The following VPS13A variants were observed in gnomAD, a reference collection of about 807,000 sequenced individuals.
VPS13A encodes the protein vacuolar protein sorting 13 homolog A, also known as intermembrane lipid transfer protein VPS13A.
Under a neutral mutation model 390.9 loss-of-function variants are expected in VPS13A, and 264 were observed. The observed-to-expected ratio is 0.68, with a 90% CI of 0.61 to 0.75. VPS13A has a LOEUF of 0.75. Ranked by LOEUF, VPS13A falls within the 30% of genes least tolerant of loss-of-function variation. VPS13A has a pLI of 0.00. For missense variants in VPS13A, 3,409 were observed against 3,733.9 expected, an observed-to-expected ratio of 0.91 and a Z score of 2.27; for synonymous variants, 1,231 against 1,227.1, an observed-to-expected ratio of 1.00 and a Z score of -0.07.
chr9:77,359,289 T>G, intron 57 of VPS13A, 44 bp from the exon 58 acceptor site: 7 of 1,536,064 alleles, frequency 4.6e-6, no homozygotes, highest in Non-Finnish European at 5.4e-6. Context: ...GCCTAGCTTT[T>G]GCTTAAAGCA....
At chr9:77,292,970 T>G (rs1400175926) in intron 31 of VPS13A, among the ~76,000 whole-genome samples, 2 of 152,160 alleles carry the variant, frequency 1.3e-5, no homozygotes, top group Admixed American at 6.5e-5. Flanking sequence ...ATATACAGTG[T>G]TTTTCAAATT....
intron 45 of VPS13A, among the ~76,000 whole-genome samples, chr9:77,324,485 T>C (rs1829903837): frequency 6.6e-6 from 1 of 152,218 alleles, no homozygotes; most frequent in Admixed American, 6.5e-5. Context: ...AGATGCTTTT[T>C]CTGTACAAGA....
Position 77,378,883 on chromosome 9 carries a change from A to G in VPS13A, c.9078-3093A>G, listed in dbSNP as rs552694868. ...CATCTTATAAGTTTTGGTGTGTTGTATTTTTGCTTTTATTTGTTTCAAAGT... is the reference window on the plus strand; with the variant it reads ...CATCTTATAAGTTTTGGTGTGTTGTGTTTTTGCTTTTATTTGTTTCAAAGT... On this transcript the variant is annotated intron_variant, in intron 67 of 71. Transcript: ENST00000360280. Among the ~76,000 whole-genome samples, 34 of 150,962 alleles carry G rather than the reference A, an allele frequency of 2.3e-4. No homozygotes were observed. In the East Asian group the frequency reaches 3.9e-3, roughly 17 times the overall value.
Position 77,219,936 on chromosome 9 carries a change from A to C in VPS13A, c.755-18A>C. On this transcript the variant is annotated intron_variant, in intron 10 of 71. Transcript: ENST00000360280. The stretch of plus-strand genomic sequence containing the variant: ...GGAAATATAACTCAGTTTTTTTTCC[A>C]TTTTTATTATTTTTCAGTATTTCGT... 6.2e-7 allele frequency: 1 copy of C among 1,612,098 alleles called. No individual in the cohort carries two copies. The highest frequency in any genetic ancestry group is 8.5e-7 in the Non-Finnish European group (1 of 1,178,846).
At position 77,416,157 on chromosome 9, in the gene VPS13A, C is replaced by G. The variant is rs1835163402; in HGVS notation, c.*151C>G. 5.7e-5 allele frequency: 51 copies of G among 891,636 alleles called. No individual in the cohort carries two copies. Among genetic ancestry groups the G allele is most frequent in the Non-Finnish European group, 8.8e-5 (50 of 569,962 alleles). The allele number at this position is 891,636 out of a possible 1,614,324, so 55.2% of individuals were successfully genotyped here. On this transcript the variant is annotated 3_prime_UTR_variant, in exon 72 of 72. Transcript: ENST00000360280. ...ACAAAAACAAACAAAAAAACAAAAA[C>G]AAAAAAACAAAACCAGAATCAGGTA...
chr9:77,240,643 A>G (rs1824434899), intron 19 of VPS13A, among the ~76,000 whole-genome samples: 1 of 148,770 alleles, frequency 6.7e-6, no homozygotes, highest in Non-Finnish European at 1.5e-5. Flanking sequence ...ACACCCAGCT[A>G]ATTTTTGTAT....
chr9:77,237,435 G>T (rs1161635226), intron 17 of VPS13A, among the ~76,000 whole-genome samples: 1 of 151,386 alleles, frequency 6.6e-6, no homozygotes, highest in Non-Finnish European at 1.5e-5. Flanking sequence ...CATGATCTCG[G>T]CTCACTGCAA....
intron 6 of VPS13A, among the ~76,000 whole-genome samples, chr9:77,209,820 A>G (rs1031281509): frequency 5.3e-5 from 8 of 152,184 alleles, no homozygotes; most frequent in Non-Finnish European, 8.8e-5. Flanking sequence ...AAAGTATGCT[A>G]TATTTACCTC....
At chr9:77,386,335 A>G (rs1330212854) in intron 68 of VPS13A, among the ~76,000 whole-genome samples, 1 of 152,310 alleles carries the variant, frequency 6.6e-6, no homozygotes, top group Middle Eastern at 3.4e-3. Context: ...GGCTTCTTAC[A>G]TTCCAACTTT....
At position 77,250,177 on chromosome 9, in the gene VPS13A, T is replaced by G; in HGVS notation, c.2118T>G (p.Tyr706Ter). The stretch of plus-strand genomic sequence containing the variant: ...TTAAAGAGATAATGGATAGAGCTTA[T>G]GATTCATTTGATATTCAACTTACAA... ...ANLKEIMDRA[Y>*]DSFDIQLTSV... Residue 706 changes from tyrosine to a stop codon, truncating the protein, a stop_gained, in exon 21 of 72, where the codon TAT (tyrosine) becomes TAG (stop). Coordinates refer to ENST00000360280, the MANE Select transcript of VPS13A (RefSeq NM_033305.3). LOFTEE classifies it high-confidence loss of function. 1 of 1,613,884 alleles carries G rather than the reference T, an allele frequency of 6.2e-7. No individual in the cohort carries two copies. The highest frequency in any genetic ancestry group is 1.1e-5 in the South Asian group (1 of 91,078).
Position 77,316,482 on chromosome 9 carries a change from C to A in VPS13A, c.4863+76C>A, listed in dbSNP as rs1370483778. The A allele has an allele frequency of 2.4e-6, 3 of 1,242,716 alleles. No homozygotes were observed. The African/African-American group carries it at 4.5e-5, about 19-fold the overall frequency. The allele number at this position is 1,242,716 out of a possible 1,614,324, so 77.0% of individuals were successfully genotyped here. On this transcript the variant is annotated intron_variant, in intron 39 of 71. Transcript: ENST00000360280. ...TGTATACCATTTTAGGAAACAAAAA[C>A]TACCTACATGCTTTCCAACCTTGCT...
intron 52 of VPS13A, among the ~76,000 whole-genome samples, chr9:77,349,707 G>T (rs1331238313): frequency 6.6e-6 from 1 of 151,978 alleles, no homozygotes; most frequent in Non-Finnish European, 1.5e-5. Flanking sequence ...GCAGAGGCGC[G>T]ATCTCAGCTC....
At chr9:77,182,434 C>G (rs1160457162) in intron 1 of VPS13A, among the ~76,000 whole-genome samples, 5 of 151,926 alleles carry the variant, frequency 3.3e-5, no homozygotes, top group Admixed American at 1.3e-4. Flanking sequence ...GCATCAGAAT[C>G]AGCCATAGGT....
At chr9:77,351,259 T>C in intron 52 of VPS13A, 58 bp from the exon 53 acceptor site, 1 of 1,599,034 alleles carries the variant, frequency 6.3e-7, no homozygotes, top group Non-Finnish European at 8.5e-7. Flanking sequence ...TTTAGTTTTT[T>C]TTTAATCTCT....
At chr9:77,365,605 A>AAGT (rs1176148440) in intron 60 of VPS13A, 32 bp downstream of exon 60, 1 of 1,338,306 alleles carries the variant, frequency 7.5e-7, no homozygotes, top group East Asian at 2.3e-5. Flanking sequence ...TGTCCTTGAT[A>AAGT]ATCTAGGTAA....
intron 70 of VPS13A, 98 bp from the exon 71 acceptor site, chr9:77,407,435 G>T (rs1834676204): frequency 1.1e-6 from 1 of 944,608 alleles, no homozygotes; most frequent in Non-Finnish European, 1.7e-6. Context: ...GTATAAGAGG[G>T]ACACTTTAGG....
At chr9:77,198,883 G>C (rs1014079730) in intron 1 of VPS13A, among the ~76,000 whole-genome samples, 30 of 152,194 alleles carry the variant, frequency 2.0e-4, no homozygotes, top group African/African-American at 7.2e-4. Context: ...GGCTGGTCTC[G>C]AACTGCTGAC....
chr9:77,340,394 T>C lies in VPS13A; in HGVS notation c.6880-10T>C. ...TAACAGTTTTTGAGCTGTTAATTTT[T>C]TTTTCTTAGGTTGGTGTCACTATAG... On this transcript the variant is annotated splice_polypyrimidine_tract_variant and intron_variant, in intron 49 of 71. Coordinates refer to ENST00000360280, the MANE Select transcript of VPS13A (RefSeq NM_033305.3). 6.2e-7 allele frequency: 1 copy of C among 1,613,110 alleles called. No homozygotes were observed. The highest frequency in any genetic ancestry group is 1.1e-5 in the South Asian group (1 of 90,978).
chr9:77,308,554 A>C (rs1182054692), intron 35 of VPS13A, among the ~76,000 whole-genome samples: 6 of 152,182 alleles, frequency 3.9e-5, no homozygotes, highest in Admixed American at 3.3e-4. Flanking sequence ...GATGATCATT[A>C]GTAGATGGTG....
Sources: allele counts gnomAD v4.1 joint callset (sites outside exome capture counted in the v4.1 genomes callset), GRCh38; gene constraint gnomAD v4.1.1; transcripts MANE v1.5; gene names NCBI Gene and HGNC (gene_info 2026-07-23, HGNC 2026-07-21).